The following CHST11 variants were observed in gnomAD, a reference collection of about 807,000 sequenced individuals.
CHST11 encodes C4S-1.
CHST11 carries 9 observed loss-of-function variants against 30.4 expected under a neutral mutation model. That is an observed-to-expected ratio of 0.30 (90% CI 0.18 to 0.52). CHST11 has a LOEUF of 0.52. Ranked by LOEUF, CHST11 falls within the 20% of genes least tolerant of loss-of-function variation. CHST11 has a pLI of 0.97. For synonymous variants in CHST11, 152 were observed against 187.8 expected, an observed-to-expected ratio of 0.81 and a Z score of 1.56; for missense variants, 348 against 460.6, an observed-to-expected ratio of 0.76 and a Z score of 2.24.
intron 2 of CHST11, among the ~76,000 whole-genome samples, chr12:104,654,738 G>T (rs1359993147): frequency 2.0e-5 from 3 of 152,150 alleles, no homozygotes; most frequent in Non-Finnish European, 4.4e-5. Flanking sequence ...GCTGGATGCT[G>T]CAAGGTCACA....
intron 1 of CHST11, among the ~76,000 whole-genome samples, chr12:104,538,799 A>G (rs2038261964): frequency 6.6e-6 from 1 of 152,200 alleles, no homozygotes; most frequent in South Asian, 2.1e-4. Context: ...ACAGAAATTT[A>G]CTATCTTTAT....
chr12:104,572,697 T>G (rs1442384712), intron 1 of CHST11, among the ~76,000 whole-genome samples: 2 of 152,216 alleles, frequency 1.3e-5, no homozygotes, highest in African/African-American at 2.4e-5. Flanking sequence ...TTGAAGGTTT[T>G]TTTGTGTCTC....
intron 2 of CHST11, among the ~76,000 whole-genome samples, chr12:104,614,736 C>G (rs1475089752): frequency 6.6e-6 from 1 of 151,000 alleles, no homozygotes; most frequent in Non-Finnish European, 1.5e-5. Context: ...GTCATCCCGA[C>G]AGAGCAAAGA....
At chr12:104,459,301 C>T (rs2037385755) in intron 1 of CHST11, among the ~76,000 whole-genome samples, 1 of 152,130 alleles carries the variant, frequency 6.6e-6, no homozygotes, top group Non-Finnish European at 1.5e-5. Context: ...CACCGGAGAC[C>T]GGGCCAGACT....
intron 2 of CHST11, among the ~76,000 whole-genome samples, chr12:104,670,918 T>TCA (rs1229903310): frequency 6.6e-6 from 1 of 151,880 alleles, no homozygotes; most frequent in Non-Finnish European, 1.5e-5. Flanking sequence ...ACATGCACAC[T>TCA]CACACACACA....
chr12:104,473,961 A>C (rs1190713796), intron 1 of CHST11, among the ~76,000 whole-genome samples: 1 of 152,120 alleles, frequency 6.6e-6, no homozygotes, highest in African/African-American at 2.4e-5. Context: ...CAACCACGAC[A>C]GGGAGAACTC....
intron 1 of CHST11, among the ~76,000 whole-genome samples, chr12:104,599,104 C>T (rs868276913): frequency 1.3e-5 from 2 of 152,150 alleles, no homozygotes; most frequent in Admixed American, 6.5e-5. Flanking sequence ...ACTCCAGAAA[C>T]GGTGGGGTTG....
chr12:104,578,205 G>A (rs1034126229), intron 1 of CHST11, among the ~76,000 whole-genome samples: 3 of 152,138 alleles, frequency 2.0e-5, no homozygotes, highest in Admixed American at 1.3e-4. Flanking sequence ...AGGTCACATC[G>A]CTGGTTAGGA....
At chr12:104,499,618 T>A (rs1433815704) in intron 1 of CHST11, among the ~76,000 whole-genome samples, 1 of 152,142 alleles carries the variant, frequency 6.6e-6, no homozygotes, top group Non-Finnish European at 1.5e-5. Flanking sequence ...AAGAAATCAT[T>A]ATTATGTAAA....
At chr12:104,584,252 C>G (rs1361997327) in intron 1 of CHST11, among the ~76,000 whole-genome samples, 1 of 129,004 alleles carries the variant, frequency 7.8e-6, no homozygotes, top group Non-Finnish European at 1.6e-5. Flanking sequence ...TGTTTTCTTT[C>G]TCTTTCTTCT....
At chr12:104,544,768 G>GCCCCCCCCCCCCCCC (rs1555231405) in intron 1 of CHST11, among the ~76,000 whole-genome samples, 1 of 51,990 alleles carries the variant, frequency 1.9e-5, no homozygotes, top group Admixed American at 2.7e-4. Context: ...GGGGGTCACA[G>GCCCCCCCCCCCCCCC]TCCCCCCACC....
intron 2 of CHST11, among the ~76,000 whole-genome samples, chr12:104,704,281 T>C (rs759396138): frequency 2.6e-5 from 4 of 152,160 alleles, no homozygotes; most frequent in Non-Finnish European, 4.4e-5. Context: ...GGCTCCGTGC[T>C]CAGGGAGACC....
intron 2 of CHST11, among the ~76,000 whole-genome samples, chr12:104,689,725 T>A (rs1431121246): frequency 6.6e-6 from 1 of 152,128 alleles, no homozygotes; most frequent in Non-Finnish European, 1.5e-5. Flanking sequence ...CAGAGCCCTA[T>A]GAAGACCATC....
chr12:104,658,533 T>C (rs2039567391), intron 2 of CHST11, among the ~76,000 whole-genome samples: 1 of 152,204 alleles, frequency 6.6e-6, no homozygotes, highest in African/African-American at 2.4e-5. Flanking sequence ...CATGTGCATT[T>C]TGGAGAGACA....
At chr12:104,595,684 TTTGAGTGCCATGGACCAGGCTAG>T (rs949607720) in intron 1 of CHST11, among the ~76,000 whole-genome samples, 11 of 152,156 alleles carry the variant, frequency 7.2e-5, no homozygotes, top group African/African-American at 2.4e-4. Context: ...ATGGACAGTT[TTTGAGTGCCATGGACCAGGCTAG>T]TTGAGTGCCA....
chr12:104,528,562 C>A (rs1342250541), intron 1 of CHST11, among the ~76,000 whole-genome samples: 1 of 152,130 alleles, frequency 6.6e-6, no homozygotes, highest in African/African-American at 2.4e-5. Flanking sequence ...GACTGGGTGG[C>A]CAGTGCTGTT....
intron 2 of CHST11, among the ~76,000 whole-genome samples, chr12:104,743,317 A>G (rs1364202363): frequency 6.6e-6 from 1 of 152,228 alleles, no homozygotes; most frequent in Non-Finnish European, 1.5e-5. Flanking sequence ...TCCACCACTG[A>G]GTGTGAGCCT....
intron 2 of CHST11, among the ~76,000 whole-genome samples, chr12:104,632,919 G>C (rs1482581162): frequency 6.6e-6 from 1 of 152,258 alleles, no homozygotes; most frequent in Non-Finnish European, 1.5e-5. Context: ...GTCCTCCCTG[G>C]AGGGGGTGAG....
intron 2 of CHST11, among the ~76,000 whole-genome samples, chr12:104,628,964 G>A (rs2039245310): frequency 6.6e-6 from 1 of 152,230 alleles, no homozygotes; most frequent in African/African-American, 2.4e-5. Context: ...CATGAAACAA[G>A]GGGGAGCTGG....
Sources: gnomAD v4.1 joint callset for allele counts (sites outside exome capture counted in the v4.1 genomes callset) on GRCh38, gnomAD v4.1.1 for gene constraint, MANE v1.5 for transcripts, NCBI Gene and HGNC (gene_info 2026-07-23, HGNC 2026-07-21) for gene names.